OTOGL: variants seen among roughly 807,000 people sequenced by gnomAD.
OTOGL encodes the protein otogelin-like protein.
In OTOGL, 285 loss-of-function variants were observed where a neutral mutation model predicts 318.5. That is an observed-to-expected ratio of 0.89 (90% CI 0.81 to 0.99). The LOEUF (loss-of-function observed/expected upper bound fraction) is 0.99, where lower values mean the gene tolerates loss of function less well. Among genes scored for constraint, OTOGL ranks in the 50% least tolerant of loss-of-function variants. OTOGL has a pLI of 0.00. For missense variants in OTOGL, 2,899 were observed against 2,845.6 expected (o/e 1.02, Z -0.43); for synonymous variants, 987 against 936.5 (o/e 1.05, Z -0.99).
intron 52 of OTOGL, among the ~76,000 whole-genome samples, chr12:80,359,619 A>G (rs1890121215): frequency 1.3e-5 from 2 of 152,212 alleles, no homozygotes; most frequent in South Asian, 2.1e-4. Context: ...AGAATGAATG[A>G]GGTACTTTTT....
At chr12:80,112,749 T>C (rs891550633) in intron 1 of OTOGL, among the ~76,000 whole-genome samples, 3 of 151,128 alleles carry the variant, frequency 2.0e-5, no homozygotes, top group Non-Finnish European at 4.4e-5. Context: ...GGCTTTGGTA[T>C]CAGGATGATG....
At chr12:80,244,615 A>C (rs1457122874) in intron 11 of OTOGL, among the ~76,000 whole-genome samples, 2 of 149,660 alleles carry the variant, frequency 1.3e-5, no homozygotes, top group Admixed American at 1.3e-4. Context: ...ATTGTGAATA[A>C]TGCTGCAATA....
At chr12:80,200,411 T>C (rs1169532981) in intron 1 of OTOGL, among the ~76,000 whole-genome samples, 2 of 152,226 alleles carry the variant, frequency 1.3e-5, no homozygotes, top group African/African-American at 4.8e-5. Context: ...ATTTTGTCCA[T>C]TGCTTTTGTA....
intron 1 of OTOGL, among the ~76,000 whole-genome samples, chr12:80,142,818 G>A (rs1256717193): frequency 6.6e-6 from 1 of 152,184 alleles, no homozygotes; most frequent in Admixed American, 6.6e-5. Context: ...GGTGAATGAG[G>A]AGGGGAATCC....
At chr12:80,376,709 T>C (rs1017094389) in intron 57 of OTOGL, among the ~76,000 whole-genome samples, 2 of 152,138 alleles carry the variant, frequency 1.3e-5, no homozygotes, top group African/African-American at 2.4e-5. Context: ...TATTTTAAAA[T>C]TGATGTATAT....
chr12:80,349,784 T>A (rs1257222296), intron 44 of OTOGL, among the ~76,000 whole-genome samples: 1 of 152,212 alleles, frequency 6.6e-6, no homozygotes, highest in East Asian at 1.9e-4. Flanking sequence ...TTCTGCATCT[T>A]CAAAAATATT....
intron 1 of OTOGL, among the ~76,000 whole-genome samples, chr12:80,171,133 G>C: frequency 6.6e-6 from 1 of 151,880 alleles, no homozygotes; most frequent in South Asian, 2.1e-4. Context: ...GCAGTGCAGG[G>C]CATGATCAGA....
chr12:80,233,114 A>G lies in OTOGL; in HGVS notation c.817+17A>G, dbSNP rs561657045. Reference sequence around the variant, plus strand: ...TTCTGCAAGGTAAGTGAAGCAGAATAAATGTGTGGGTACCTTCTAAAGCCT... The same window carrying G: ...TTCTGCAAGGTAAGTGAAGCAGAATGAATGTGTGGGTACCTTCTAAAGCCT... On this transcript the variant is annotated intron_variant, in intron 9 of 58. Transcript: ENST00000547103. 1.3e-6 allele frequency: 2 copies of G among 1,567,294 alleles called. No individual in the cohort carries two copies. Among genetic ancestry groups the G allele is most frequent in the African/African-American group, 1.3e-5 (1 of 74,194 alleles).
intron 1 of OTOGL, among the ~76,000 whole-genome samples, chr12:80,173,172 CT>C (rs201331492): frequency 0.14 from 19,635 of 145,404 alleles, 2,074 homozygotes; most frequent in African/African-American, 0.3. Context: ...ATTCATATGC[CT>C]TTTTTTTTTT....
intron 30 of OTOGL, 104 bp from the exon 31 acceptor site, chr12:80,313,372 G>A: frequency 1.8e-6 from 2 of 1,111,474 alleles, no homozygotes; most frequent in Non-Finnish European, 2.6e-6. Context: ...GCAGTGTTAA[G>A]CTGATAATAT....
chr12:80,371,069 A>G (rs1010508270), intron 56 of OTOGL, among the ~76,000 whole-genome samples: 1 of 152,072 alleles, frequency 6.6e-6, no homozygotes, highest in Non-Finnish European at 1.5e-5. Flanking sequence ...ACTGTAATGC[A>G]TGCTGGCCTG....
chr12:80,373,342 G>A (rs1029341071), intron 57 of OTOGL, among the ~76,000 whole-genome samples: 1 of 152,086 alleles, frequency 6.6e-6, no homozygotes, highest in African/African-American at 2.4e-5. Context: ...TGAGGCAGGA[G>A]AATCACTTGA....
intron 1 of OTOGL, among the ~76,000 whole-genome samples, chr12:80,136,297 G>T (rs1435241746): frequency 6.6e-6 from 1 of 152,118 alleles, no homozygotes; most frequent in Non-Finnish European, 1.5e-5. Flanking sequence ...TAAATTCAAT[G>T]TTTCAATTCT....
chr12:80,289,782 G>A (rs906109057), intron 26 of OTOGL, among the ~76,000 whole-genome samples: 2 of 152,170 alleles, frequency 1.3e-5, no homozygotes, highest in African/African-American at 4.8e-5. Context: ...ACTTCAGACT[G>A]CTGTGCTGGC....
intron 1 of OTOGL, among the ~76,000 whole-genome samples, chr12:80,157,539 G>T (rs1389665268): frequency 6.6e-6 from 1 of 152,106 alleles, no homozygotes; most frequent in South Asian, 2.1e-4. Context: ...ATGTTTTCTT[G>T]TAGTAGTTTC....
chr12:80,152,472 G>T (rs1024507181), intron 1 of OTOGL, among the ~76,000 whole-genome samples: 10 of 152,148 alleles, frequency 6.6e-5, no homozygotes, highest in African/African-American at 2.4e-4. Flanking sequence ...CAGAAGCATG[G>T]TATGTTATAA....
chr12:80,113,869 G>A (rs1248930118), intron 1 of OTOGL, among the ~76,000 whole-genome samples: 2 of 152,076 alleles, frequency 1.3e-5, no homozygotes, highest in Non-Finnish European at 2.9e-5. Flanking sequence ...TTACCACAAT[G>A]TGATGCCCTT....
intron 27 of OTOGL, among the ~76,000 whole-genome samples, chr12:80,299,230 A>G (rs1885600519): frequency 6.6e-6 from 1 of 152,216 alleles, no homozygotes; most frequent in African/African-American, 2.4e-5. Flanking sequence ...AGTTTCTACA[A>G]TCATGTTGAC....
chr12:80,185,149 A>G (rs572144984), intron 1 of OTOGL, among the ~76,000 whole-genome samples: 2 of 152,328 alleles, frequency 1.3e-5, no homozygotes, highest in East Asian at 3.9e-4. Flanking sequence ...CATGAGACAT[A>G]TAGAGAGGAA....
Sources: gnomAD v4.1 joint callset for allele counts (sites outside exome capture counted in the v4.1 genomes callset) on GRCh38, gnomAD v4.1.1 for gene constraint, MANE v1.5 for transcripts, NCBI Gene and HGNC (gene_info 2026-07-23, HGNC 2026-07-21) for gene names.